The following CDH18 variants were observed in gnomAD, a reference collection of about 807,000 sequenced individuals.
The protein encoded by CDH18 is cadherin 18.
A neutral mutation model predicts 67.9 loss-of-function variants in CDH18; 31 were observed. The ratio of observed to expected loss-of-function variants is 0.46; its 90% confidence interval spans 0.34 to 0.62. The LOEUF (loss-of-function observed/expected upper bound fraction) is 0.62, where lower values mean the gene tolerates loss of function less well. CDH18 is among the 20% of genes least tolerant of loss of function. CDH18 has a pLI of 0.01. For synonymous variants in CDH18, 362 were observed against 347.2 expected (o/e 1.04, Z -0.48); for missense variants, 890 against 975.5 (o/e 0.91, Z 1.17).
intron 2 of CDH18, among the ~76,000 whole-genome samples, chr5:20,197,088 T>C (rs529312305): frequency 6.6e-6 from 1 of 152,316 alleles, no homozygotes; most frequent in South Asian, 2.1e-4. Context: ...CTCGGCTAAC[T>C]GGAACCTCCG....
chr5:20,106,636 G>T (rs1746963469), intron 2 of CDH18, among the ~76,000 whole-genome samples: 1 of 152,146 alleles, frequency 6.6e-6, no homozygotes, highest in South Asian at 2.1e-4. Flanking sequence ...GAAACAACTT[G>T]TAATACCTGC....
intron 1 of CDH18, among the ~76,000 whole-genome samples, chr5:20,472,207 T>C (rs1271711965): frequency 6.6e-6 from 1 of 152,228 alleles, no homozygotes; most frequent in Non-Finnish European, 1.5e-5. Flanking sequence ...TTAAATTTCA[T>C]GGACATGAGG....
At chr5:20,224,344 C>CCT (rs1289127669) in intron 2 of CDH18, among the ~76,000 whole-genome samples, 1 of 151,974 alleles carries the variant, frequency 6.6e-6, no homozygotes, top group Admixed American at 6.6e-5. Flanking sequence ...AATCTTAGTT[C>CCT]AAGTTATTGT....
At chr5:19,628,802 C>T (rs188254305) in intron 5 of CDH18, among the ~76,000 whole-genome samples, 29 of 152,072 alleles carry the variant, frequency 1.9e-4, no homozygotes, top group Middle Eastern at 3.4e-3. Context: ...ACTTAAAGCC[C>T]TTAACCTTAT....
At chr5:20,094,241 G>A (rs1474990776) in intron 2 of CDH18, among the ~76,000 whole-genome samples, 5 of 152,154 alleles carry the variant, frequency 3.3e-5, no homozygotes, top group Non-Finnish European at 7.4e-5. Flanking sequence ...GAATAGGTTA[G>A]TAAATACTCA....
intron 2 of CDH18, among the ~76,000 whole-genome samples, chr5:20,043,417 T>C (rs1334566988): frequency 6.6e-6 from 1 of 152,156 alleles, no homozygotes; most frequent in African/African-American, 2.4e-5. Context: ...AATTAAACAA[T>C]AGCTATTCTT....
intron 1 of CDH18, among the ~76,000 whole-genome samples, chr5:20,508,844 CTCAA>C (rs903720612): frequency 6.6e-6 from 1 of 151,964 alleles, no homozygotes; most frequent in Non-Finnish European, 1.5e-5. Flanking sequence ...TAATTACTAT[CTCAA>C]TCATTTTATC....
At chr5:19,564,477 C>T (rs1456397043) in intron 8 of CDH18, among the ~76,000 whole-genome samples, 1 of 152,172 alleles carries the variant, frequency 6.6e-6, no homozygotes, top group Admixed American at 6.5e-5. Context: ...AGAAGGGAAC[C>T]TGCTGCCTTG....
At chr5:20,276,749 C>A (rs1345717380) in intron 1 of CDH18, among the ~76,000 whole-genome samples, 2 of 152,162 alleles carry the variant, frequency 1.3e-5, no homozygotes, top group Admixed American at 6.5e-5. Context: ...TCTTGGACAG[C>A]ATTTCTGCAC....
intron 3 of CDH18, among the ~76,000 whole-genome samples, chr5:19,778,984 T>C (rs142827882): frequency 1.1e-3 from 166 of 152,314 alleles, no homozygotes; most frequent in South Asian, 3.7e-3. Flanking sequence ...CTTTCACAAA[T>C]GATGTCTCTG....
chr5:19,995,862 C>T (rs1735972057), intron 2 of CDH18, among the ~76,000 whole-genome samples: 1 of 152,046 alleles, frequency 6.6e-6, no homozygotes, highest in African/African-American at 2.4e-5. Flanking sequence ...GGATAGTACT[C>T]ACACAGTTCA....
intron 10 of CDH18, among the ~76,000 whole-genome samples, chr5:19,505,974 T>C (rs1744083928): frequency 6.6e-6 from 1 of 152,134 alleles, no homozygotes; most frequent in African/African-American, 2.4e-5. Flanking sequence ...TGTAGGCTAT[T>C]AATTATTGCC....
intron 1 of CDH18, among the ~76,000 whole-genome samples, chr5:20,348,110 TC>T (rs1298241011): frequency 1.3e-5 from 2 of 152,088 alleles, no homozygotes; most frequent in African/African-American, 4.8e-5. Flanking sequence ...CAAAAAAAGA[TC>T]CCCCACTACT....
At chr5:20,483,623 G>A (rs1326754242) in intron 1 of CDH18, among the ~76,000 whole-genome samples, 1 of 150,108 alleles carries the variant, frequency 6.7e-6, no homozygotes. Flanking sequence ...ATTCATACCT[G>A]TACAGTGAAC....
intron 1 of CDH18, among the ~76,000 whole-genome samples, chr5:20,365,319 C>T (rs1271415698): frequency 6.6e-6 from 1 of 152,132 alleles, no homozygotes; most frequent in Non-Finnish European, 1.5e-5. Context: ...TTCTAATTGC[C>T]TCCCAAAGGC....
At chr5:20,267,837 C>T (rs1745153297) in intron 1 of CDH18, among the ~76,000 whole-genome samples, 2 of 152,102 alleles carry the variant, frequency 1.3e-5, no homozygotes, top group Admixed American at 6.6e-5. Flanking sequence ...GGTACATGTG[C>T]AGGTTAGTTG....
chr5:20,389,886 G>GTTATT (rs1744683256), intron 1 of CDH18, among the ~76,000 whole-genome samples: 1 of 152,068 alleles, frequency 6.6e-6, no homozygotes, highest in Non-Finnish European at 1.5e-5. Context: ...AAGAAATGGG[G>GTTATT]AAACAATTCC....
At chr5:20,266,614 AGACG>A (rs1033947684) in intron 1 of CDH18, among the ~76,000 whole-genome samples, 1 of 91,042 alleles carries the variant, frequency 1.1e-5, no homozygotes, top group African/African-American at 4.9e-5. Context: ...TTTTTAGTAG[AGACG>A]GGGTTTCACC....
chr5:19,503,172 C>A, intron 10 of CDH18, 63 bp from the exon 11 acceptor site: 1 of 799,570 alleles, frequency 1.3e-6, no homozygotes, highest in South Asian at 1.5e-5. Context: ...ATTTTAATTA[C>A]ACTGTATTAT....
Sources: allele counts gnomAD v4.1 joint callset (sites outside exome capture counted in the v4.1 genomes callset), GRCh38; gene constraint gnomAD v4.1.1; transcripts MANE v1.5; gene names NCBI Gene and HGNC (gene_info 2026-07-23, HGNC 2026-07-21).